The following SPOCK1 variants were observed in gnomAD, a reference collection of about 807,000 sequenced individuals.
SPOCK1 encodes SPARC (osteonectin), cwcv and kazal like domains proteoglycan 1.
SPOCK1 carries 23 observed loss-of-function variants against 55.3 expected under a neutral mutation model. The observed-to-expected ratio is 0.42, with a 90% CI of 0.30 to 0.59. The LOEUF (loss-of-function observed/expected upper bound fraction) is 0.59, where lower values mean the gene tolerates loss of function less well. Among genes scored for constraint, SPOCK1 ranks in the 20% least tolerant of loss-of-function variants. The pLI is 0.22. For missense variants in SPOCK1, 499 were observed against 552.5 expected (o/e 0.90, Z 0.97); for synonymous variants, 226 against 221.0 (o/e 1.02, Z -0.20).
chr5:137,239,586 C>G (rs1000664528), intron 3 of SPOCK1, among the ~76,000 whole-genome samples: 3 of 151,912 alleles, frequency 2.0e-5, no homozygotes, highest in Non-Finnish European at 4.4e-5. Context: ...GATCTGACAC[C>G]AACTCCAAGT....
chr5:136,979,250 T>G (rs1750676800), intron 10 of SPOCK1, 82 bp downstream of exon 10: 2 of 1,572,398 alleles, frequency 1.3e-6, no homozygotes, highest in Non-Finnish European at 1.7e-6. Flanking sequence ...CCTCTCAACA[T>G]TCTTCTGCAG....
intron 2 of SPOCK1, among the ~76,000 whole-genome samples, chr5:137,389,629 T>A (rs1466153640): frequency 6.6e-6 from 1 of 152,156 alleles, no homozygotes; most frequent in Non-Finnish European, 1.5e-5. Context: ...GACATCCTCA[T>A]CTCACAGACT....
intron 3 of SPOCK1, among the ~76,000 whole-genome samples, chr5:137,194,469 G>C (rs1755259111): frequency 6.6e-6 from 1 of 152,202 alleles, no homozygotes; most frequent in South Asian, 2.1e-4. Flanking sequence ...AAAGCAGAGT[G>C]GCGGGTGGAA....
intron 6 of SPOCK1, among the ~76,000 whole-genome samples, chr5:137,059,006 G>A (rs1473997216): frequency 6.6e-6 from 1 of 152,200 alleles, no homozygotes; most frequent in Non-Finnish European, 1.5e-5. Context: ...AAGATGGAGT[G>A]TCTTGAACAG....
intron 6 of SPOCK1, among the ~76,000 whole-genome samples, chr5:136,993,507 A>G (rs991125900): frequency 2.6e-5 from 4 of 152,182 alleles, no homozygotes; most frequent in African/African-American, 7.2e-5. Context: ...GAACCCAGCA[A>G]TGCATTTGGG....
At chr5:136,994,220 A>C (rs1751000557) in intron 6 of SPOCK1, among the ~76,000 whole-genome samples, 1 of 152,170 alleles carries the variant, frequency 6.6e-6, no homozygotes, top group South Asian at 2.1e-4. Context: ...CCAGTTTTTA[A>C]TGACCTTAAA....
Position 137,172,700 on chromosome 5 carries a change from C to T in SPOCK1, c.233-32006G>A, listed in dbSNP as rs555166975. Among the ~76,000 whole-genome samples, 75 of 152,194 alleles carry T rather than the reference C, an allele frequency of 4.9e-4. 1 individual carries two copies. In the South Asian group the frequency reaches 0.015, roughly 30 times the overall value. On this transcript the variant is annotated intron_variant, in intron 3 of 10. Transcript: ENST00000394945. ...AGTCTTAACTACACACTCCCAATGT[C>T]TAATACACTCCTTACCCCAGGGACA... is the stretch of plus-strand genomic sequence containing the variant.
At chr5:137,401,678 G>A (rs1185824976) in intron 2 of SPOCK1, among the ~76,000 whole-genome samples, 2 of 152,016 alleles carry the variant, frequency 1.3e-5, no homozygotes, top group Non-Finnish European at 2.9e-5. Flanking sequence ...CCAGGAGTTT[G>A]AGGTTACAGT....
chr5:137,452,762 C>G (rs1239237065), intron 2 of SPOCK1, among the ~76,000 whole-genome samples: 1 of 152,202 alleles, frequency 6.6e-6, no homozygotes, highest in Non-Finnish European at 1.5e-5. Flanking sequence ...GCATCCTTGG[C>G]ACATGGGCAG....
chr5:137,312,293 G>T (rs1757801926), intron 2 of SPOCK1, among the ~76,000 whole-genome samples: 1 of 152,186 alleles, frequency 6.6e-6, no homozygotes, highest in African/African-American at 2.4e-5. Flanking sequence ...GGGAAGGAAT[G>T]TCACAGGTTC....
chr5:136,980,461 A>G (rs1298295721), intron 9 of SPOCK1, among the ~76,000 whole-genome samples: 3 of 152,160 alleles, frequency 2.0e-5, no homozygotes, highest in African/African-American at 7.2e-5. Context: ...CATAATTCCC[A>G]CGTGTTGTGG....
intron 2 of SPOCK1, among the ~76,000 whole-genome samples, chr5:137,391,926 G>A (rs775498284): frequency 1.3e-4 from 20 of 152,034 alleles, no homozygotes; most frequent in Non-Finnish European, 2.5e-4. Flanking sequence ...CTGCCCTCCA[G>A]GTAGCTATGC....
At chr5:137,105,814 C>T (rs575848742) in intron 5 of SPOCK1, among the ~76,000 whole-genome samples, 3 of 152,318 alleles carry the variant, frequency 2.0e-5, no homozygotes, top group African/African-American at 7.2e-5. Context: ...TGTGTCGAGA[C>T]ATAATTGAGC....
intron 3 of SPOCK1, among the ~76,000 whole-genome samples, chr5:137,196,475 T>C (rs1407055518): frequency 6.6e-6 from 1 of 152,212 alleles, no homozygotes; most frequent in African/African-American, 2.4e-5. Context: ...CCTTACTCTC[T>C]GCAAGTGGTC....
At chr5:137,081,612 T>C (rs961990315) in intron 5 of SPOCK1, among the ~76,000 whole-genome samples, 7 of 152,208 alleles carry the variant, frequency 4.6e-5, no homozygotes, top group African/African-American at 1.7e-4. Flanking sequence ...CCTGCGTATG[T>C]CCATAAGAGC....
At chr5:137,304,530 G>A (rs1757668179) in intron 2 of SPOCK1, among the ~76,000 whole-genome samples, 1 of 152,176 alleles carries the variant, frequency 6.6e-6, no homozygotes, top group South Asian at 2.1e-4. Context: ...GGGCAGTCAG[G>A]AATAGGATTT....
intron 2 of SPOCK1, among the ~76,000 whole-genome samples, chr5:137,386,976 C>T (rs1751611171): frequency 6.6e-6 from 1 of 152,088 alleles, no homozygotes; most frequent in African/African-American, 2.4e-5. Flanking sequence ...AAATAGACAA[C>T]TTGATTTAAA....
chr5:137,388,725 C>T (rs1020679717), intron 2 of SPOCK1, among the ~76,000 whole-genome samples: 46 of 152,204 alleles, frequency 3.0e-4, no homozygotes, highest in African/African-American at 1.1e-3. Context: ...GAACTAGAAG[C>T]TTTTAGCGCC....
chr5:137,187,188 C>T, intron 3 of SPOCK1, among the ~76,000 whole-genome samples: 1 of 152,200 alleles, frequency 6.6e-6, no homozygotes, highest in East Asian at 1.9e-4. Context: ...CAAATACCAG[C>T]CTCATGCTGA....
Sources: gnomAD v4.1 joint callset for allele counts (sites outside exome capture counted in the v4.1 genomes callset) on GRCh38, gnomAD v4.1.1 for gene constraint, MANE v1.5 for transcripts, NCBI Gene and HGNC (gene_info 2026-07-23, HGNC 2026-07-21) for gene names.